The following ABLIM2 variants were observed in gnomAD, a reference collection of about 807,000 sequenced individuals.
ABLIM2 encodes actin-binding LIM protein 2.
A neutral mutation model predicts 97.7 loss-of-function variants in ABLIM2; 53 were observed. The observed-to-expected ratio is 0.54, with a 90% confidence interval of 0.44 to 0.68. ABLIM2 has a LOEUF of 0.68. Among genes scored for constraint, ABLIM2 ranks in the 30% least tolerant of loss-of-function variants. The probability of loss-of-function intolerance (pLI) is 0.00; values close to 1 mark genes in which losing one functional copy is unlikely to be tolerated. For missense variants in ABLIM2, 835 were observed against 867.2 expected, an observed-to-expected ratio of 0.96 and a Z score of 0.47; for synonymous variants, 361 against 345.8, an observed-to-expected ratio of 1.04 and a Z score of -0.49.
chr4:8,084,922 G>A (rs989590258), intron 4 of ABLIM2, among the ~76,000 whole-genome samples: 5 of 152,214 alleles, frequency 3.3e-5, no homozygotes, highest in African/African-American at 9.6e-5. Flanking sequence ...CGCACTCTGC[G>A]ACGGCCGCCC....
In ABLIM2 at chr4:8,003,860, T is replaced by C. The variant is rs2150282149; in HGVS notation, c.1618+4199A>G. On this transcript the variant is annotated intron_variant, in intron 16 of 20. Transcript: ENST00000447017. This position sits in a 1 kb window ranked among gnomAD's most constrained non-coding sequence, Gnocchi z 4.2. ...GATTACAGGCATGAGCCACTGTGCC[T>C]GGCCCTCTTCTTCCAGTTCTGATGT... Among the ~76,000 whole-genome samples, 1 of 152,224 alleles carries C rather than the reference T, an allele frequency of 6.6e-6. No individual in the cohort carries two copies. Among genetic ancestry groups the C allele is most frequent in the African/African-American group, 2.4e-5 (1 of 41,558 alleles).
chr4:8,062,649 C>T (rs1165760360), intron 6 of ABLIM2, among the ~76,000 whole-genome samples: 1 of 151,968 alleles, frequency 6.6e-6, no homozygotes, highest in African/African-American at 2.4e-5. Flanking sequence ...CTGTGTTAGC[C>T]AGGATGGTCT....
intron 20 of ABLIM2, among the ~76,000 whole-genome samples, chr4:7,969,728 C>T (rs924347938): frequency 9.3e-5 from 9 of 97,230 alleles, no homozygotes; most frequent in African/African-American, 4.1e-4. Context: ...CTCTCTCTCT[C>T]TGACACACAC....
intron 1 of ABLIM2, among the ~76,000 whole-genome samples, chr4:8,121,355 C>T (rs572304677): frequency 1.2e-4 from 19 of 152,368 alleles, no homozygotes; most frequent in South Asian, 4.1e-4. Flanking sequence ...CCTGCTGCTT[C>T]CAGGACTCTC....
At chr4:8,119,958 C>T (rs963187775) in intron 1 of ABLIM2, among the ~76,000 whole-genome samples, 2 of 152,184 alleles carry the variant, frequency 1.3e-5, no homozygotes, top group African/African-American at 4.8e-5. Context: ...AGGTGTCCTA[C>T]AGCTCCTTCC....
intron 10 of ABLIM2, among the ~76,000 whole-genome samples, chr4:8,034,020 G>A (rs1782639223): frequency 6.6e-6 from 1 of 152,340 alleles, no homozygotes; most frequent in South Asian, 2.1e-4. Context: ...AGGATCGTGA[G>A]GCCAGTCCTC....
chr4:8,150,546 C>T lies in ABLIM2; in HGVS notation c.10+8134G>A, dbSNP rs562178850. On this transcript the variant is annotated intron_variant, in intron 1 of 20. Transcript: ENST00000447017. This position sits in a 1 kb window ranked among gnomAD's most constrained non-coding sequence, Gnocchi z 6.3. The stretch of plus-strand genomic sequence containing the variant: ...ACATTTCCAGATCGTCTCTCTAACT[C>T]GTCTCTCTAAGCACAGAGAAACCAA... Among the ~76,000 whole-genome samples the T allele has an allele frequency of 3.3e-4, 51 of 152,330 alleles. No homozygotes were observed. Among genetic ancestry groups the T allele is most frequent in the African/African-American group, 1.2e-3 (49 of 41,572 alleles).
In ABLIM2 at chr4:7,966,748, C is replaced by T; in HGVS notation, c.*242G>A. On this transcript the variant is annotated 3_prime_UTR_variant, in exon 21 of 21. Transcript: ENST00000447017. Reference sequence around the variant, plus strand: ...ATGCCCGACACAGCCACTCTACAGCCTCTCCCTGACACCAAGCCACAGCGG... The same window carrying T: ...ATGCCCGACACAGCCACTCTACAGCTTCTCCCTGACACCAAGCCACAGCGG... 5 of 526,328 alleles carry T rather than the reference C, an allele frequency of 9.5e-6. No homozygotes were observed. Among genetic ancestry groups the T allele is most frequent in the South Asian group, 8.0e-5 (3 of 37,304 alleles). The allele number at this position is 526,328 out of a possible 1,614,324, so 32.6% of individuals were successfully genotyped here.
intron 7 of ABLIM2, among the ~76,000 whole-genome samples, chr4:8,060,752 G>A (rs1448864022): frequency 1.3e-5 from 2 of 152,206 alleles, no homozygotes; most frequent in African/African-American, 2.4e-5. Flanking sequence ...TGCTGGTCTC[G>A]GGCTCGCTGA....
At chr4:8,133,154 C>T (rs1849670929) in intron 1 of ABLIM2, among the ~76,000 whole-genome samples, 1 of 152,200 alleles carries the variant, frequency 6.6e-6, no homozygotes, top group Non-Finnish European at 1.5e-5. Context: ...CACGTGGCCT[C>T]CTCCCTGCGT....
rs1312053589 is a variant in ABLIM2, at chr4:8,149,154, C to T, written c.10+9526G>A. Among the ~76,000 whole-genome samples the T allele has an allele frequency of 6.6e-6, 1 of 152,202 alleles. No individual in the cohort carries two copies. The highest frequency in any genetic ancestry group is 2.4e-5 in the African/African-American group (1 of 41,452). On this transcript the variant is annotated intron_variant, in intron 1 of 20. Transcript: ENST00000447017. This position sits in a 1 kb window ranked among gnomAD's most constrained non-coding sequence, Gnocchi z 6.4. The stretch of plus-strand genomic sequence containing the variant: ...GCACCCGAGTTTCTTGGTGTGGGGC[C>T]CCTCCCTTCATCCTCAGAGCCAGGC...
At chr4:8,092,471 G>C (rs968690404) in intron 3 of ABLIM2, among the ~76,000 whole-genome samples, 1 of 152,172 alleles carries the variant, frequency 6.6e-6, no homozygotes, top group African/African-American at 2.4e-5. Context: ...ATGTAAAACA[G>C]AATGGCGTAT....
In ABLIM2 at chr4:7,970,285, G is replaced by A. The variant is rs1479089362; in HGVS notation, c.1825-3182C>T. 6.6e-6 allele frequency among the ~76,000 whole-genome samples: 1 copy of A among 152,128 alleles called. No homozygotes were observed. Among genetic ancestry groups the A allele is most frequent in the Non-Finnish European group, 1.5e-5 (1 of 68,022 alleles). On this transcript the variant is annotated intron_variant, in intron 20 of 20. Transcript: ENST00000447017. The surrounding 1 kb of genome is among the most constrained non-coding windows in gnomAD (Gnocchi z 5.3). ...GGTGCCTGGGGCAGGCCTCCCTGTG[G>A]CCACATTCCTGCTTCCTGCTGGGGG...
intron 1 of ABLIM2, among the ~76,000 whole-genome samples, chr4:8,141,859 GC>G (rs983611238): frequency 5.3e-5 from 8 of 152,226 alleles, no homozygotes; most frequent in Non-Finnish European, 7.3e-5. Flanking sequence ...CCTGGGTGGG[GC>G]CAAATGCTCC....
intron 4 of ABLIM2, among the ~76,000 whole-genome samples, chr4:8,086,541 C>A (rs138506128): frequency 6.6e-6 from 1 of 152,112 alleles, no homozygotes; most frequent in African/African-American, 2.4e-5. Flanking sequence ...AGAGACAGGG[C>A]CTCACCATGT....
At position 8,023,719 on chromosome 4, in the gene ABLIM2, T is replaced by C. The variant is rs1775513132; in HGVS notation, c.1268-3416A>G. Among the ~76,000 whole-genome samples the C allele has an allele frequency of 1.3e-5, 2 of 152,360 alleles. No individual in the cohort carries two copies. The highest frequency in any genetic ancestry group is 2.4e-5 in the African/African-American group (1 of 41,594). On this transcript the variant is annotated intron_variant, in intron 12 of 20. Coordinates refer to ENST00000447017, the MANE Select transcript of ABLIM2 (RefSeq NM_001130083.2). This position sits in a 1 kb window ranked among gnomAD's most constrained non-coding sequence, Gnocchi z 5.7. Reference sequence around the variant, plus strand: ...GAGGACGAGGCATCTACTCCCGTTATTTGGAATTCCTCTGTGTGGGAGATC... The same window carrying C: ...GAGGACGAGGCATCTACTCCCGTTACTTGGAATTCCTCTGTGTGGGAGATC...
chr4:8,059,232 C>G (rs573055167), intron 7 of ABLIM2, among the ~76,000 whole-genome samples: 1 of 152,200 alleles, frequency 6.6e-6, no homozygotes, highest in East Asian at 1.9e-4. Context: ...CATGCCACCC[C>G]AAACAGGACT....
chr4:7,968,781 T>C (rs1298361631), intron 20 of ABLIM2, among the ~76,000 whole-genome samples: 1 of 152,208 alleles, frequency 6.6e-6, no homozygotes, highest in Non-Finnish European at 1.5e-5. Context: ...GTTCCGGAGC[T>C]GGAGAGTGGG....
At chr4:8,133,275 T>A (rs1236150119) in intron 1 of ABLIM2, among the ~76,000 whole-genome samples, 1 of 152,106 alleles carries the variant, frequency 6.6e-6, no homozygotes, top group African/African-American at 2.4e-5. Flanking sequence ...TGCAGAGGGG[T>A]CAGGGCTTCA....
Sources: allele counts gnomAD v4.1 joint callset (sites outside exome capture counted in the v4.1 genomes callset), GRCh38; gene constraint gnomAD v4.1.1; non-coding constraint Gnocchi (gnomAD v3.1); transcripts MANE v1.5; gene names NCBI Gene and HGNC (gene_info 2026-07-23, HGNC 2026-07-21).